The following AGPAT4 variants were observed in gnomAD, a reference collection of about 807,000 sequenced individuals.
AGPAT4 encodes the protein 1-acylglycerol-3-phosphate O-acyltransferase 4.
In AGPAT4, 15 loss-of-function variants were observed where a neutral mutation model predicts 48.0. The observed-to-expected ratio is 0.31, with a 90% confidence interval of 0.21 to 0.48. AGPAT4 has a LOEUF of 0.48. Ranked by LOEUF, AGPAT4 falls within the 20% of genes least tolerant of loss-of-function variation. The probability of loss-of-function intolerance (pLI) is 0.99; values close to 1 mark genes in which losing one functional copy is unlikely to be tolerated. For missense variants in AGPAT4, 314 were observed against 482.5 expected (o/e 0.65, Z 3.27); for synonymous variants, 178 against 198.7 (o/e 0.90, Z 0.88).
At position 161,146,680 on chromosome 6, in the gene AGPAT4, T is replaced by C. The variant is rs905469082; in HGVS notation, c.768-81A>G. On this transcript the variant is annotated intron_variant, in intron 6 of 8. Transcript: ENST00000320285. This position sits in a 1 kb window ranked among gnomAD's most constrained non-coding sequence, Gnocchi z 7.1. ...AGTTTCCAGTAACGGTGCTGCCGTT[T>C]TTTGTTTTTATCTGGGTCACCTAAA... 8 of 1,405,550 alleles carry C rather than the reference T, an allele frequency of 5.7e-6. No homozygotes were observed. The highest frequency in any genetic ancestry group is 2.4e-5 in the South Asian group (2 of 84,624). 87.1% of individuals were successfully genotyped at this position (1,405,550 alleles called of 1,614,324 possible).
Position 161,259,529 on chromosome 6 carries a change from G to A in AGPAT4, c.-90+14409C>T, listed in dbSNP as rs879710466. Among the ~76,000 whole-genome samples, 11 of 151,384 alleles carry A rather than the reference G, an allele frequency of 7.3e-5. No individual in the cohort carries two copies. Among genetic ancestry groups the A allele is most frequent in the Non-Finnish European group, 1.0e-4 (7 of 67,878 alleles). ...CACACATGTGCCACACTACCAGCAC[G>A]TGTGAAAACTCACTAACTCTATACT... On this transcript the variant is annotated intron_variant, in intron 1 of 8. Coordinates refer to ENST00000320285, the MANE Select transcript of AGPAT4 (RefSeq NM_020133.3). This position sits in a 1 kb window ranked among gnomAD's most constrained non-coding sequence, Gnocchi z 4.9.
At chr6:161,265,760 G>A (rs75534358) in intron 1 of AGPAT4, among the ~76,000 whole-genome samples, 4,580 of 152,180 alleles carry the variant, frequency 0.03, 82 homozygotes, top group East Asian at 0.048. Flanking sequence ...GTCCTATCAG[G>A]CCACCGAGCC....
At position 161,148,489 on chromosome 6, in the gene AGPAT4, G is replaced by A. The variant is rs1179992056; in HGVS notation, c.767+698C>T. Among the ~76,000 whole-genome samples, 3 of 152,102 alleles carry A rather than the reference G, an allele frequency of 2.0e-5. No homozygotes were observed. Among genetic ancestry groups the A allele is most frequent in the Admixed American group, 6.5e-5 (1 of 15,276 alleles). ...AAGGTCTTGAATCAGAAGGTTATACGCCCCTGGATTAGTTCTCCATTAGTG... is the reference window on the plus strand; with the variant it reads ...AAGGTCTTGAATCAGAAGGTTATACACCCCTGGATTAGTTCTCCATTAGTG... On this transcript the variant is annotated intron_variant, in intron 6 of 8. Coordinates refer to ENST00000320285, the MANE Select transcript of AGPAT4 (RefSeq NM_020133.3). This position sits in a 1 kb window ranked among gnomAD's most constrained non-coding sequence, Gnocchi z 5.5.
rs1779818070 is a variant in AGPAT4 at position 161,158,289 on chromosome 6, T to C, written c.349-3979A>G. Reference sequence around the variant, plus strand: ...AACTATCATGGCTTTCCCAGGCCACTCAGAGGCTTCCATGTGTGATGCCAA... The same window carrying C: ...AACTATCATGGCTTTCCCAGGCCACCCAGAGGCTTCCATGTGTGATGCCAA... On this transcript the variant is annotated intron_variant, in intron 3 of 8. Transcript: ENST00000320285. The surrounding 1 kb of genome is among the most constrained non-coding windows in gnomAD (Gnocchi z 5.3). Among the ~76,000 whole-genome samples the C allele has an allele frequency of 6.6e-6, 1 of 152,180 alleles. No homozygotes were observed. The highest frequency in any genetic ancestry group is 6.5e-5 in the Admixed American group (1 of 15,282).
chr6:161,154,844 G>A lies in AGPAT4; in HGVS notation c.349-534C>T, dbSNP rs1779722657. ...CCTTCTTGAACAGTGGTTGGCCAAA[G>A]ATTCATTTGAATCCGATTTTTCCGA... is the stretch of plus-strand genomic sequence containing the variant. On this transcript the variant is annotated intron_variant, in intron 3 of 8. Transcript: ENST00000320285. The surrounding 1 kb of genome is among the most constrained non-coding windows in gnomAD (Gnocchi z 7.8). 6.6e-6 allele frequency among the ~76,000 whole-genome samples: 1 copy of A among 152,266 alleles called. No individual in the cohort carries two copies. The highest frequency in any genetic ancestry group is 6.5e-5 in the Admixed American group (1 of 15,288).
chr6:161,183,598 C>T (rs1003066801), intron 2 of AGPAT4, among the ~76,000 whole-genome samples: 28 of 135,534 alleles, frequency 2.1e-4, no homozygotes, highest in African/African-American at 3.3e-4. Flanking sequence ...CCAGCCTGGG[C>T]GACAGAGAGA....
rs1007251652 is a variant in AGPAT4, at chr6:161,206,883, T to C, written c.178+25153A>G. Among the ~76,000 whole-genome samples, 4 of 151,962 alleles carry C rather than the reference T, an allele frequency of 2.6e-5. No homozygotes were observed. The highest frequency in any genetic ancestry group is 5.9e-5 in the Non-Finnish European group (4 of 67,982). On this transcript the variant is annotated intron_variant, in intron 2 of 8. Transcript: ENST00000320285. The surrounding 1 kb of genome is among the most constrained non-coding windows in gnomAD (Gnocchi z 4.8). Reference sequence around the variant, plus strand: ...AAAGTAATTGGTCAAAATAAGACACTCAATGGATGAGCTCAGCAGAAGAGT... The same window carrying C: ...AAAGTAATTGGTCAAAATAAGACACCCAATGGATGAGCTCAGCAGAAGAGT...
At chr6:161,207,560 C>T (rs772172128) in intron 2 of AGPAT4, among the ~76,000 whole-genome samples, 33 of 152,230 alleles carry the variant, frequency 2.2e-4, no homozygotes, top group Non-Finnish European at 3.7e-4. Flanking sequence ...CTCTCTATAG[C>T]TGGAGCCCTA....
chr6:161,215,746 A>G lies in AGPAT4; in HGVS notation c.178+16290T>C, dbSNP rs1455578047. ...AAGAAAACACAAAAACACAAGATCC[A>G]AGTTTCCTGTTGATAGCTCAAACTC... On this transcript the variant is annotated intron_variant, in intron 2 of 8. Transcript: ENST00000320285. The surrounding 1 kb of genome is among the most constrained non-coding windows in gnomAD (Gnocchi z 4.5). Among the ~76,000 whole-genome samples, 3 of 151,994 alleles carry G rather than the reference A, an allele frequency of 2.0e-5. No homozygotes were observed. The highest frequency in any genetic ancestry group is 4.4e-5 in the Non-Finnish European group (3 of 67,990).
chr6:161,173,402 G>A (rs1780336894), intron 2 of AGPAT4, among the ~76,000 whole-genome samples: 2 of 152,320 alleles, frequency 1.3e-5, no homozygotes, highest in South Asian at 2.1e-4. Context: ...CAGTGATGAT[G>A]AGCATTTTTT....
At chr6:161,160,103 AATTTTTTTTT>A (rs1172564973) in intron 3 of AGPAT4, 2 of 94,762 alleles carry the variant, frequency 2.1e-5, no homozygotes, top group Non-Finnish European at 2.0e-5. Flanking sequence ...ACACCCAGCT[AATTTTTTTTT>A]TTTTTTTTTT....
In AGPAT4 at chr6:161,133,632, A is replaced by AAATT. The variant is rs1778973261; in HGVS notation, c.*2904_*2907dup. 1 of 152,206 alleles carries AAATT rather than the reference A, an allele frequency of 6.6e-6. No individual in the cohort carries two copies. The highest frequency in any genetic ancestry group is 1.5e-5 in the Non-Finnish European group (1 of 68,060). The allele number at this position is 152,206 out of a possible 1,614,324, so 9.4% of individuals were successfully genotyped here. A position where few individuals can be genotyped will look rare whatever the true frequency, so the allele number is the denominator to read the frequency against. On this transcript the variant is annotated 3_prime_UTR_variant, in exon 9 of 9. Transcript: ENST00000320285. ...CTGGCTTTCCTGGAAGAAGTCCATT[A>AAATT]AATTCCCTGCTTCTATAAGCTGCAG... is the stretch of plus-strand genomic sequence containing the variant.
rs986212231 is a variant in AGPAT4 at position 161,138,415 on chromosome 6, T to G, written c.1042+1007A>C. On this transcript the variant is annotated intron_variant, in intron 8 of 8. Coordinates refer to ENST00000320285, the MANE Select transcript of AGPAT4 (RefSeq NM_020133.3). This position sits in a 1 kb window ranked among gnomAD's most constrained non-coding sequence, Gnocchi z 4.8. ...GTGCTGTGACCTGTTTTGGTGGTTA[T>G]GATTCATTAGGTGAAAAGGCGAGCT... is the stretch of plus-strand genomic sequence containing the variant. 1.3e-5 allele frequency among the ~76,000 whole-genome samples: 2 copies of G among 152,128 alleles called. No individual in the cohort carries two copies. The highest frequency in any genetic ancestry group is 4.8e-5 in the African/African-American group (2 of 41,424).
chr6:161,242,263 C>T lies in AGPAT4; in HGVS notation c.-89-9961G>A, dbSNP rs533335171. Among the ~76,000 whole-genome samples the T allele has an allele frequency of 1.3e-5, 2 of 152,348 alleles. No individual in the cohort carries two copies. Among genetic ancestry groups the T allele is most frequent in the South Asian group, 2.1e-4 (1 of 4,826 alleles). On this transcript the variant is annotated intron_variant, in intron 1 of 8. Transcript: ENST00000320285. This position sits in a 1 kb window ranked among gnomAD's most constrained non-coding sequence, Gnocchi z 5.0. ...GGGGGCCCGGCCTGGGCCAGTCTCA[C>T]GCTTTTAACCAGTCTCACGCTCTTA... is the stretch of plus-strand genomic sequence containing the variant.
At chr6:161,151,043 C>G (rs1449562449) in intron 5 of AGPAT4, among the ~76,000 whole-genome samples, 1 of 152,164 alleles carries the variant, frequency 6.6e-6, no homozygotes, top group African/African-American at 2.4e-5. Flanking sequence ...CCAACTGTCT[C>G]ATTTTCCAGA....
rs1011439650 is a variant in AGPAT4 at position 161,208,881 on chromosome 6, T to G, written c.178+23155A>C. On this transcript the variant is annotated intron_variant, in intron 2 of 8. Coordinates refer to ENST00000320285, the MANE Select transcript of AGPAT4 (RefSeq NM_020133.3). The surrounding 1 kb of genome is among the most constrained non-coding windows in gnomAD (Gnocchi z 4.6). ...AGCTGCCTAACAGGAAAAAAATCAT[T>G]AATAATCAGGTGAAACAATGTAATC... Among the ~76,000 whole-genome samples the G allele has an allele frequency of 1.3e-5, 2 of 152,098 alleles. No individual in the cohort carries two copies. Among genetic ancestry groups the G allele is most frequent in the Admixed American group, 6.5e-5 (1 of 15,276 alleles).
chr6:161,170,463 G>A (rs548983759), intron 2 of AGPAT4, among the ~76,000 whole-genome samples: 22 of 29,230 alleles, frequency 7.5e-4, no homozygotes, highest in Middle Eastern at 0.025. Context: ...GCGTGCACAC[G>A]TGCGCGCGCG....
intron 2 of AGPAT4, among the ~76,000 whole-genome samples, chr6:161,203,546 G>C (rs1208354862): frequency 6.6e-6 from 1 of 151,818 alleles, no homozygotes; most frequent in African/African-American, 2.4e-5. Flanking sequence ...CTGCCACCAA[G>C]CCCAGCTAAT....
At position 161,137,259 on chromosome 6, in the gene AGPAT4, G is replaced by A. The variant is rs909902489; in HGVS notation, c.1043-625C>T. On this transcript the variant is annotated intron_variant, in intron 8 of 8. Coordinates refer to ENST00000320285, the MANE Select transcript of AGPAT4 (RefSeq NM_020133.3). This position sits in a 1 kb window ranked among gnomAD's most constrained non-coding sequence, Gnocchi z 6.1. The stretch of plus-strand genomic sequence containing the variant: ...CAATTTCAACTACACCCTCTGGAGC[G>A]GGCAGATGTGGTGAGGTCCTTGGGT... Among the ~76,000 whole-genome samples, 1 of 152,170 alleles carries A rather than the reference G, an allele frequency of 6.6e-6. No homozygotes were observed. The highest frequency in any genetic ancestry group is 2.4e-5 in the African/African-American group (1 of 41,442).
Sources: gnomAD v4.1 joint callset for allele counts (sites outside exome capture counted in the v4.1 genomes callset) on GRCh38, gnomAD v4.1.1 for gene constraint, Gnocchi (gnomAD v3.1) non-coding constraint, MANE v1.5 for transcripts, NCBI Gene and HGNC (gene_info 2026-07-23, HGNC 2026-07-21) for gene names.